Variants in ACSL6 observed in about 807,000 individuals in gnomAD.
ACSL6 encodes acyl-CoA synthetase long chain family member 6, also known as long-chain-fatty-acid--CoA ligase 6.
ACSL6 carries 47 observed loss-of-function variants against 98.2 expected under a neutral mutation model. The observed-to-expected ratio is 0.48, with a 90% CI of 0.38 to 0.61. The LOEUF (loss-of-function observed/expected upper bound fraction) is 0.61. Ranked by LOEUF, ACSL6 falls within the 20% of genes least tolerant of loss-of-function variation. The pLI is 0.00. For synonymous variants in ACSL6, 362 were observed against 336.9 expected (o/e 1.07, Z -0.82); for missense variants, 761 against 913.4 (o/e 0.83, Z 2.15).
chr5:131,970,839 T>C (rs924146816), intron 14 of ACSL6, among the ~76,000 whole-genome samples: 4 of 152,220 alleles, frequency 2.6e-5, no homozygotes, highest in Admixed American at 2.0e-4. Context: ...ACTCTGTGTT[T>C]TATTTTGGCT....
intron 20 of ACSL6, among the ~76,000 whole-genome samples, chr5:131,954,891 G>A (rs1561770515): frequency 6.6e-6 from 1 of 152,154 alleles, no homozygotes; most frequent in Non-Finnish European, 1.5e-5. Flanking sequence ...ACAAAGCCAT[G>A]GGAGTGAGAA....
At chr5:131,977,731 G>A (rs1189178684) in intron 9 of ACSL6, among the ~76,000 whole-genome samples, 3 of 152,184 alleles carry the variant, frequency 2.0e-5, no homozygotes, top group African/African-American at 7.2e-5. Flanking sequence ...TGTTAACTTT[G>A]CAACCCTCAC....
intron 9 of ACSL6, among the ~76,000 whole-genome samples, chr5:131,979,193 AG>A (rs746218502): frequency 6.6e-5 from 10 of 152,212 alleles, no homozygotes; most frequent in Non-Finnish European, 1.2e-4. Flanking sequence ...GGGCCCACAG[AG>A]TACCTGGGCC....
At chr5:131,990,210 G>A (rs1474411731) in intron 3 of ACSL6, 46 bp from the exon 4 acceptor site, 1 of 1,596,778 alleles carries the variant, frequency 6.3e-7, no homozygotes, top group Non-Finnish European at 8.6e-7. Context: ...GGTCAGAGTG[G>A]GTGTGCCACC....
chr5:131,975,465 T>A (rs1030774476), intron 10 of ACSL6: 3 of 985,280 alleles, frequency 3.0e-6, no homozygotes, highest in African/African-American at 3.5e-5. Flanking sequence ...TCTTGGCTAG[T>A]CAGCACTTTC....
chr5:131,969,999 T>G, intron 15 of ACSL6, 129 bp downstream of exon 15: 2 of 789,576 alleles, frequency 2.5e-6, no homozygotes, highest in Non-Finnish European at 4.3e-6. Flanking sequence ...CATTAATGTT[T>G]TTTTCTGTCT....
intron 10 of ACSL6, chr5:131,975,591 G>A: frequency 1.1e-6 from 1 of 913,020 alleles, no homozygotes; most frequent in Non-Finnish European, 1.3e-6. Context: ...GCTGAGCCTG[G>A]CCTCACAAGC....
Position 131,966,484 on chromosome 5 carries a change from C to T in ACSL6, c.1645G>A (p.Asp549Asn), listed in dbSNP as rs1245180913. The T allele has an allele frequency of 6.2e-7, 1 of 1,614,082 alleles. No individual in the cohort carries two copies. The highest frequency in any genetic ancestry group is 1.3e-5 in the African/African-American group (1 of 74,906). ...CTGTCCAGGGCCTCCTTCGTCCTGT[C>T]TGGATCTTTCAAGTAGCCTTTGAAC... ...NVFKGYLKDP[D>N]RTKEALDSDG... is the part of the protein sequence containing the mutation. Residue 549 changes from aspartate (D) to asparagine (N), a missense_variant, in exon 17 of 21, where the codon GAC (aspartate) becomes AAC (asparagine). Asp to Asn is a conservative substitution (Grantham distance 23, BLOSUM62 1). Transcript: ENST00000651883.
chr5:131,962,493 A>G, intron 18 of ACSL6, 42 bp downstream of exon 18: 4 of 1,555,180 alleles, frequency 2.6e-6, no homozygotes, highest in Non-Finnish European at 3.5e-6. Flanking sequence ...GTTTTTCAGC[A>G]TGCCCAGGAT....
rs1322537222 is a variant in ACSL6, at chr5:131,967,955, G to T, written c.1581C>A (p.Cys527Ter). Residue 527 changes from cysteine (C) to a stop codon, truncating the protein, a stop_gained, in exon 16 of 21, where the codon TGC becomes TGA. Transcript: ENST00000651883. LOFTEE classifies it high-confidence loss of function. ...VDVEELNYWA[C>*]KGEGEICVRG... ...CCTTGTTTACCTCTCCCTCTCCTTT[G>T]CAGGCCCAGTAGTTCAGTTCCTCAA... 1 of 1,613,720 alleles carries T rather than the reference G, an allele frequency of 6.2e-7. No homozygotes were observed. Among genetic ancestry groups the T allele is most frequent in the Non-Finnish European group, 8.5e-7 (1 of 1,179,848 alleles).
chr5:131,986,952 CACAT>C, intron 7 of ACSL6, 98 bp from the exon 8 acceptor site: 3 of 1,154,162 alleles, frequency 2.6e-6, no homozygotes, highest in Non-Finnish European at 3.8e-6. Context: ...CACGCACATA[CACAT>C]ACACACACAC....
At chr5:131,957,781 C>G (rs1752491243) in intron 20 of ACSL6, among the ~76,000 whole-genome samples, 1 of 152,238 alleles carries the variant, frequency 6.6e-6, no homozygotes, top group African/African-American at 2.4e-5. Flanking sequence ...TGGATCACAA[C>G]TGAGAGCACA....
At chr5:131,994,366 A>AG in intron 1 of ACSL6, 115 bp from the exon 2 acceptor site, 1 of 887,148 alleles carries the variant, frequency 1.1e-6, no homozygotes, top group Non-Finnish European at 1.7e-6. Context: ...GCCCTCGGGG[A>AG]GTTGGGATGT....
chr5:131,985,465 G>C lies in ACSL6; in HGVS notation c.865-7C>G. On this transcript the variant is annotated splice_region_variant and splice_polypyrimidine_tract_variant and intron_variant, in intron 8 of 20. Transcript: ENST00000651883. ...GGTCATCAGGCTGCGGGGGCTGCAG[G>C]GGTGAGAAGAGGAGTGTGTTAGGGA... is the stretch of plus-strand genomic sequence containing the variant. 6.2e-7 allele frequency: 1 copy of C among 1,613,754 alleles called. No homozygotes were observed. Among genetic ancestry groups the C allele is most frequent in the Non-Finnish European group, 8.5e-7 (1 of 1,179,984 alleles).
intron 5 of ACSL6, 116 bp from the exon 6 acceptor site, chr5:131,989,020 C>A: frequency 1.1e-6 from 1 of 885,908 alleles, no homozygotes. Flanking sequence ...GGCAAGGAAT[C>A]CATGAGGTTA....
At chr5:131,992,279 T>G (rs2126910014) in intron 2 of ACSL6, among the ~76,000 whole-genome samples, 1 of 152,162 alleles carries the variant, frequency 6.6e-6, no homozygotes, top group East Asian at 1.9e-4. Flanking sequence ...AATCTGGACT[T>G]GAGGTTGAGG....
intron 1 of ACSL6, chr5:131,999,358 T>C (rs1754952739): frequency 6.6e-6 from 1 of 152,242 alleles, no homozygotes; most frequent in Admixed American, 6.5e-5. Context: ...TCCATCTCTT[T>C]GCAAGCCAAA....
chr5:131,981,322 T>TAAAAAAA (rs56950797), intron 9 of ACSL6, among the ~76,000 whole-genome samples: 1 of 95,278 alleles, frequency 1.0e-5, no homozygotes. Flanking sequence ...AGTCAACTAT[T>TAAAAAAA]AAAAAAAAAA....
In ACSL6 at chr5:131,968,287, C is replaced by A. The variant is rs975758326; in HGVS notation, c.1508-259G>T. The A allele has an allele frequency of 1.5e-5, 6 of 405,530 alleles. No homozygotes were observed. In the East Asian group the frequency reaches 2.5e-4, roughly 17 times the overall value. 25.1% of individuals were successfully genotyped at this position (405,530 alleles called of 1,614,324 possible). A position where few individuals can be genotyped will look rare whatever the true frequency, so the allele number is the denominator to read the frequency against. ...CAGGACAGGCACACCTGGCCCAGCA[C>A]CAACGTGCACAGGGTCCTGGGTAGG... On this transcript the variant is annotated intron_variant, in intron 15 of 20. Transcript: ENST00000651883.
Sources: allele counts gnomAD v4.1 joint callset (sites outside exome capture counted in the v4.1 genomes callset), GRCh38; gene constraint gnomAD v4.1.1; transcripts MANE v1.5; gene names NCBI Gene and HGNC (gene_info 2026-07-23, HGNC 2026-07-21).